The following CNBD2 variants were observed in gnomAD, a reference collection of about 807,000 sequenced individuals.
CNBD2 encodes cyclic nucleotide-binding domain-containing protein 2.
In CNBD2, 64 loss-of-function variants were observed where a neutral mutation model predicts 63.7. That is an observed-to-expected ratio of 1.00 (90% CI 0.82 to 1.24). CNBD2 has a LOEUF of 1.24. Ranked by LOEUF, CNBD2 falls within the 50% of genes most tolerant of loss-of-function variation. The probability of loss-of-function intolerance (pLI) is 0.00; values close to 1 mark genes in which losing one functional copy is unlikely to be tolerated. For missense variants in CNBD2, 691 were observed against 713.5 expected (o/e 0.97, Z 0.36); for synonymous variants, 229 against 255.4 (o/e 0.90, Z 0.99).
chr20:35,981,720 G>A (rs887877009), intron 4 of CNBD2, among the ~76,000 whole-genome samples: 19 of 152,188 alleles, frequency 1.2e-4, no homozygotes, highest in African/African-American at 3.4e-4. Context: ...GATTACAGAC[G>A]TGTACCACCG....
rs34139279 is a variant in CNBD2, at chr20:36,000,753, A to ATTT, written c.970+5619_970+5621dup. ...TTTTTTTTTTTCATTTGTGTATGAA[A>ATTT]TTTTTTTTTTTTTTTTTTTTGATCA... On this transcript the variant is annotated intron_variant, in intron 8 of 11. Coordinates refer to ENST00000373973, the MANE Select transcript of CNBD2 (RefSeq NM_001365709.1). 1.5e-3 allele frequency among the ~76,000 whole-genome samples: 184 copies of ATTT among 121,606 alleles called. 2 individuals are homozygous for ATTT. Among genetic ancestry groups the ATTT allele is most frequent in the African/African-American group, 5.3e-3 (161 of 30,124 alleles). 79.8% of individuals were successfully genotyped at this position (121,606 alleles called of 152,430 possible).
intron 8 of CNBD2, among the ~76,000 whole-genome samples, chr20:36,005,176 G>A (rs1219193498): frequency 1.3e-5 from 2 of 152,108 alleles, no homozygotes; most frequent in African/African-American, 4.8e-5. Context: ...ATAGTTCAGC[G>A]GTCCCCAAAC....
chr20:35,976,054 C>T, intron 3 of CNBD2, 52 bp downstream of exon 3: 3 of 1,504,530 alleles, frequency 2.0e-6, no homozygotes, highest in Non-Finnish European at 1.8e-6. Flanking sequence ...TGCACCCTGG[C>T]TTGGAAGAAA....
At chr20:35,968,041 G>A (rs896399203), upstream of CNBD2, among the ~76,000 whole-genome samples, 4 of 152,126 alleles carry the variant, frequency 2.6e-5, no homozygotes, top group Non-Finnish European at 5.9e-5. Context: ...ATCCGGAGTC[G>A]ATACCCAGTG....
At chr20:35,992,724 C>T (rs2056763130) in intron 7 of CNBD2, among the ~76,000 whole-genome samples, 1 of 152,046 alleles carries the variant, frequency 6.6e-6, no homozygotes, top group South Asian at 2.1e-4. Context: ...CAACAACAAG[C>T]CATATTTTGG....
intron 7 of CNBD2, among the ~76,000 whole-genome samples, chr20:35,990,063 G>A (rs1335013740): frequency 6.6e-6 from 1 of 152,100 alleles, no homozygotes; most frequent in Non-Finnish European, 1.5e-5. Context: ...TACGTCTATT[G>A]TGTCTCTATG....
intron 10 of CNBD2, among the ~76,000 whole-genome samples, chr20:36,016,159 G>C (rs2057129739): frequency 6.6e-6 from 1 of 152,142 alleles, no homozygotes; most frequent in South Asian, 2.1e-4. Context: ...AATTTTAACT[G>C]TGGCATCCCA....
intron 8 of CNBD2, among the ~76,000 whole-genome samples, chr20:36,005,082 C>T (rs999023884): frequency 1.3e-5 from 2 of 152,182 alleles, no homozygotes; most frequent in Admixed American, 1.3e-4. Flanking sequence ...GTTTACCCTA[C>T]TGTGGCAGAT....
At position 35,995,184 on chromosome 20, in the gene CNBD2, G is replaced by T. The variant is rs750388018; in HGVS notation, c.970+32G>T. ...TGCCTTGGCCTGTCTGACAGCAGGG[G>T]GCGCCTGGGCCTGTCCTGTTTCCAG... On this transcript the variant is annotated intron_variant, in intron 8 of 11. Coordinates refer to ENST00000373973, the MANE Select transcript of CNBD2 (RefSeq NM_001365709.1). 1.8e-5 allele frequency: 26 copies of T among 1,464,384 alleles called. No individual in the cohort carries two copies. In the East Asian group the frequency reaches 2.5e-4, roughly 14 times the overall value. The allele number at this position is 1,464,384 out of a possible 1,614,324, so 90.7% of individuals were successfully genotyped here.
chr20:36,009,602 C>T (rs536646721), intron 9 of CNBD2, among the ~76,000 whole-genome samples: 29 of 152,176 alleles, frequency 1.9e-4, no homozygotes, highest in South Asian at 4.1e-4. Flanking sequence ...GCGGCTGAAG[C>T]GGGCGGATTG....
intron 11 of CNBD2, among the ~76,000 whole-genome samples, chr20:36,027,090 G>A (rs545277347): frequency 4.6e-4 from 70 of 152,330 alleles, no homozygotes; most frequent in African/African-American, 1.7e-3. Context: ...ATCCCAGTTA[G>A]CATCTTCTGT....
chr20:35,980,672 A>T (rs1469407889), intron 4 of CNBD2, 50 bp downstream of exon 4: 23 of 1,577,142 alleles, frequency 1.5e-5, no homozygotes, highest in Non-Finnish European at 2.0e-5. Flanking sequence ...TGGACTGAGC[A>T]AAAGAGCCTG....
chr20:35,980,485 G>T lies in CNBD2; in HGVS notation c.270G>T (p.Gln90His). ...GTCACTTTCCTCCAAAGGCCATTCA[G>T]ATCATGCAGAAGAAGCCTTCCTGGA... ...EEGHFPPKAI[Q>H]IMQKKPSWRT... Residue 90 changes from glutamine (Q) to histidine (H), a missense_variant, in exon 4 of 12, where the codon CAG becomes CAT. Physicochemically the swap from Gln to His is conservative, Grantham distance 24. Transcript: ENST00000373973. 1.1e-5 allele frequency: 18 copies of T among 1,614,226 alleles called. No individual in the cohort carries two copies. The highest frequency in any genetic ancestry group is 1.5e-5 in the Non-Finnish European group (18 of 1,180,042).
intron 8 of CNBD2, among the ~76,000 whole-genome samples, chr20:35,996,727 C>T (rs919231162): frequency 6.6e-6 from 1 of 152,050 alleles, no homozygotes; most frequent in Admixed American, 6.6e-5. Context: ...AGGCTGGTCT[C>T]GAACTCCTGA....
chr20:35,964,178 C>CT (rs1015707353), upstream of CNBD2, among the ~76,000 whole-genome samples: 10 of 151,638 alleles, frequency 6.6e-5, no homozygotes, highest in Admixed American at 2.0e-4. Context: ...CTTCATATAT[C>CT]TTTTTTTCTT....
intron 4 of CNBD2, 73 bp downstream of exon 4, chr20:35,980,695 T>C (rs1311964743): frequency 4.2e-6 from 6 of 1,435,686 alleles, no homozygotes; most frequent in Non-Finnish European, 4.8e-6. Context: ...TGAGAAGGTG[T>C]GGCAGGTCCT....
In CNBD2 at chr20:35,984,716, C is replaced by A; in HGVS notation, c.654C>A (p.Phe218Leu). 2.5e-6 allele frequency: 4 copies of A among 1,614,194 alleles called. No homozygotes were observed. The highest frequency in any genetic ancestry group is 2.5e-6 in the Non-Finnish European group (3 of 1,180,022). ...TEFLVVDRED[F>L]FANKLDQEVQ... ...TCCTGGTTGTTGACCGGGAGGACTT[C>A]TTTGCTAATAAGCTGGACCAGGAAG... The change falls in exon 6 of 12, where the codon TTC becomes TTA. Residue 218 changes from phenylalanine (F) to leucine (L), a missense_variant. By Grantham distance (22) the Phe-to-Leu change is conservative. Transcript: ENST00000373973.
At chr20:35,987,565 A>C in intron 7 of CNBD2, 32 bp downstream of exon 7, 1 of 1,612,464 alleles carries the variant, frequency 6.2e-7, no homozygotes, top group Non-Finnish European at 8.5e-7. Flanking sequence ...ATGAGGGTGA[A>C]CCTCTGAGGA....
intron 9 of CNBD2, among the ~76,000 whole-genome samples, chr20:36,010,768 A>G (rs926637846): frequency 2.2e-5 from 3 of 135,466 alleles, no homozygotes; most frequent in African/African-American, 6.3e-5. Context: ...TCTCAAAGAA[A>G]AAAAAGAAAA....
Sources: allele counts gnomAD v4.1 joint callset (sites outside exome capture counted in the v4.1 genomes callset), GRCh38; gene constraint gnomAD v4.1.1; transcripts MANE v1.5; gene names NCBI Gene and HGNC (gene_info 2026-07-23, HGNC 2026-07-21).